Variants in KIF19 observed in about 807,000 individuals in gnomAD.
KIF19 encodes kinesin-like protein KIF19.
A neutral mutation model predicts 106.6 loss-of-function variants in KIF19; 98 were observed. That is an observed-to-expected ratio of 0.92 (90% CI 0.78 to 1.09). The LOEUF (loss-of-function observed/expected upper bound fraction) is 1.09. Ranked by LOEUF, KIF19 falls within the 50% of genes least tolerant of loss-of-function variation. KIF19 has a pLI of 0.00. For synonymous variants in KIF19, 516 were observed against 584.2 expected (o/e 0.88, Z 1.68); for missense variants, 1,373 against 1,414.3 (o/e 0.97, Z 0.47).
intron 10 of KIF19, 90 bp from the exon 11 acceptor site, chr17:74,350,311 A>G: frequency 1.6e-6 from 2 of 1,271,688 alleles, no homozygotes; most frequent in South Asian, 1.5e-5. Flanking sequence ...TGAGTTGGGA[A>G]GAAAAGGAGG....
At position 74,350,585 on chromosome 17, in the gene KIF19, C is replaced by A. The variant is rs750301335; in HGVS notation, c.1388+10C>A. 33 of 1,612,008 alleles carry A rather than the reference C, an allele frequency of 2.0e-5. No individual in the cohort carries two copies. Among genetic ancestry groups the A allele is most frequent in the Middle Eastern group, 1.7e-4 (1 of 6,058 alleles). ...TGCTCACCATCGCCGGGTAAGCCCC[C>A]CTCCCAGGACCCTCCAGGCCCCACC... is the stretch of plus-strand genomic sequence containing the variant. On this transcript the variant is annotated intron_variant, in intron 11 of 19. Transcript: ENST00000389916.
chr17:74,329,650 T>A (rs8066892), intron 2 of KIF19, among the ~76,000 whole-genome samples: 64,427 of 150,048 alleles, frequency 0.43, 14,023 homozygotes, highest in Non-Finnish European at 0.48. Context: ...AGCAGGAGAG[T>A]AAGGGGCAAG....
rs1277165700 is a variant in KIF19 at position 74,350,455 on chromosome 17, G to T, written c.1268G>T (p.Arg423Leu). 1 of 1,609,902 alleles carries T rather than the reference G, an allele frequency of 6.2e-7. No individual in the cohort carries two copies. The highest frequency in any genetic ancestry group is 2.2e-5 in the East Asian group (1 of 44,748). The part of the protein sequence containing the change: ...QGEKAGMGQL[R>L]EQLASAFQEQ... Reference sequence around the variant, plus strand: ...GAGAAGGCTGGCATGGGACAGCTTCGGGAGCAGCTCGCCAGCGCCTTCCAG... The same window carrying T: ...GAGAAGGCTGGCATGGGACAGCTTCTGGAGCAGCTCGCCAGCGCCTTCCAG... Residue 423 changes from arginine to leucine, a missense_variant, in exon 11 of 20, where the codon CGG becomes CTG. Arg to Leu is a moderately radical substitution (Grantham distance 102, BLOSUM62 -2). Coordinates refer to ENST00000389916, the MANE Select transcript of KIF19 (RefSeq NM_153209.4).
At chr17:74,351,062 A>G in intron 12 of KIF19, 157 bp downstream of exon 12, 1 of 696,102 alleles carries the variant, frequency 1.4e-6, no homozygotes, top group Non-Finnish European at 2.5e-6. Context: ...TAACTTCTCT[A>G]TGCGTCACAT....
At chr17:74,332,482 G>C (rs1343551978) in intron 2 of KIF19, among the ~76,000 whole-genome samples, 1 of 152,084 alleles carries the variant, frequency 6.6e-6, no homozygotes, top group Non-Finnish European at 1.5e-5. Flanking sequence ...CCCAAAGCCT[G>C]CAGCCCACAG....
intron 2 of KIF19, among the ~76,000 whole-genome samples, chr17:74,336,077 A>G (rs1211892808): frequency 6.6e-6 from 1 of 152,054 alleles, no homozygotes; most frequent in Non-Finnish European, 1.5e-5. Flanking sequence ...ATGCTTATTT[A>G]TTTATTTATG....
At chr17:74,347,512 G>A (rs940408581) in intron 8 of KIF19, among the ~76,000 whole-genome samples, 6 of 150,898 alleles carry the variant, frequency 4.0e-5, no homozygotes, top group South Asian at 2.1e-4. Flanking sequence ...ACTCCAGCCT[G>A]GATGACAGAT....
chr17:74,347,604 G>A (rs1316823348), intron 8 of KIF19, among the ~76,000 whole-genome samples, 173 bp from the exon 9 acceptor site: 1 of 151,840 alleles, frequency 6.6e-6, no homozygotes, highest in Non-Finnish European at 1.5e-5. Context: ...GGTAATTGCT[G>A]GAGCAGGGCT....
intron 19 of KIF19, 94 bp from the exon 20 acceptor site, chr17:74,355,088 T>G: frequency 6.5e-7 from 1 of 1,541,464 alleles, no homozygotes; most frequent in Non-Finnish European, 8.8e-7. Flanking sequence ...CATCCTGGGG[T>G]GGTGCCCCTA....
chr17:74,349,313 G>A lies in KIF19; in HGVS notation c.1177G>A (p.Gly393Ser), dbSNP rs750922384. ...GCAGACTGGGCGGGGCCAGGCCCGG[G>A]GCCGGCAGGATCGGGGTGACATCCG... ...DEQTGRGQAR[G>S]RQDRGDIRHI... Residue 393 changes from glycine to serine, a missense_variant, in exon 10 of 20, where the codon GGC (glycine) becomes AGC (serine). Physicochemically the swap from Gly to Ser is moderately conservative, Grantham distance 56. Coordinates refer to ENST00000389916, the MANE Select transcript of KIF19 (RefSeq NM_153209.4). The A allele has an allele frequency of 3.1e-6, 5 of 1,609,606 alleles. No individual in the cohort carries two copies. The highest frequency in any genetic ancestry group is 3.4e-5 in the Admixed American group (2 of 59,580).
chr17:74,349,439 T>G, intron 10 of KIF19, 90 bp downstream of exon 10: 1 of 1,342,818 alleles, frequency 7.4e-7, no homozygotes, highest in East Asian at 2.6e-5. Flanking sequence ...AAATCCAGAA[T>G]CGGGCTCTTT....
At position 74,354,190 on chromosome 17, in the gene KIF19, G is replaced by A. The variant is rs1433694598; in HGVS notation, c.2337G>A (p.Lys779=). Residue 779 remains lysine, a synonymous_variant, in exon 18 of 20, where the codon AAG becomes AAA. Coordinates refer to ENST00000389916, the MANE Select transcript of KIF19 (RefSeq NM_153209.4). ...GGAAGGAGATCCTGACTGGCACCAA[G>A]TGCATCTGGGTGAAGGCCGCCCGGC... The part of the protein sequence containing the change: ...KERKEILTGT[K]CIWVKAARRR... The A allele has an allele frequency of 1.9e-6, 3 of 1,609,324 alleles. No individual in the cohort carries two copies. The highest frequency in any genetic ancestry group is 2.5e-6 in the Non-Finnish European group (3 of 1,179,344).
Position 74,355,197 on chromosome 17 carries a change from C to T in KIF19, c.2882C>T (p.Ser961Leu). 1.2e-6 allele frequency: 2 copies of T among 1,604,788 alleles called. No individual in the cohort carries two copies. Among genetic ancestry groups the T allele is most frequent in the Admixed American group, 1.7e-5 (1 of 59,100 alleles). ...CCTGTTGCAGGCCCGGGGGACTCCT[C>T]ACCCCTGGCTGTTCCCCCCAACCCA... is the stretch of plus-strand genomic sequence containing the variant. ...PSQNTGPGDS[S>L]PLAVPPNPGG... The change falls in exon 20 of 20, where the codon TCA becomes TTA. Residue 961 changes from serine to leucine, a missense_variant. Ser to Leu is a moderately radical substitution (Grantham distance 145). Transcript: ENST00000389916.
At position 74,353,544 on chromosome 17, in the gene KIF19, C is replaced by T. The variant is rs1277555330; in HGVS notation, c.2271C>T (p.Ser757=). 1 of 1,613,858 alleles carries T rather than the reference C, an allele frequency of 6.2e-7. No individual in the cohort carries two copies. The stretch of plus-strand genomic sequence containing the variant: ...GCTGGATCAACTCTTCCCCTGACAG[C>T]AGTGAGAACCTGTCGGAGATCCCCT... The part of the protein sequence containing the change: ...LGSWINSSPD[S]SENLSEIPLS... Residue 757 remains serine, a synonymous_variant, in exon 17 of 20, where the codon AGC becomes AGT. Coordinates refer to ENST00000389916, the MANE Select transcript of KIF19 (RefSeq NM_153209.4).
rs1434310699 is a variant in KIF19 at position 74,344,743 on chromosome 17, C to A, written c.583-18C>A. ...CTACGGCAGTCGCTAAGAGCTGCCTCTCCTCCCTCCCACCCAGATCATGCA... is the reference window on the plus strand; with the variant it reads ...CTACGGCAGTCGCTAAGAGCTGCCTATCCTCCCTCCCACCCAGATCATGCA... On this transcript the variant is annotated intron_variant, in intron 6 of 19. Transcript: ENST00000389916. 3.1e-6 allele frequency: 5 copies of A among 1,594,058 alleles called. No homozygotes were observed. In the East Asian group the frequency reaches 1.1e-4, roughly 36 times the overall value.
chr17:74,335,627 G>T (rs186864836), intron 2 of KIF19, among the ~76,000 whole-genome samples: 2 of 152,396 alleles, frequency 1.3e-5, no homozygotes, highest in African/African-American at 4.8e-5. Flanking sequence ...TGGAGGTGGG[G>T]TCTCAAGCCA....
chr17:74,350,804 G>A lies in KIF19; in HGVS notation c.1486G>A (p.Gly496Ser), dbSNP rs780265415. 5 of 1,614,056 alleles carry A rather than the reference G, an allele frequency of 3.1e-6. No individual in the cohort carries two copies. The highest frequency in any genetic ancestry group is 4.2e-6 in the Non-Finnish European group (5 of 1,179,904). ...KDDSEKDSDT[G>S]DDQPDILEPP... ...CGACAGCGAGAAGGACTCAGACACA[G>A]GTGATGACCAACCAGACATCCTGGA... The change falls in exon 12 of 20, where the codon GGT becomes AGT. Residue 496 changes from glycine to serine, a missense_variant. Around this residue, in one of 3 missense-constraint regions of KIF19, gnomAD observed 1,020 missense variants for 1,008.2 expected, o/e 1.01. Coordinates refer to ENST00000389916, the MANE Select transcript of KIF19 (RefSeq NM_153209.4).
At chr17:74,343,403 C>T (rs72852209) in intron 5 of KIF19, among the ~76,000 whole-genome samples, 36,458 of 152,124 alleles carry the variant, frequency 0.24, 4,879 homozygotes, top group Middle Eastern at 0.38. Flanking sequence ...CCCTGTGCCA[C>T]GCTCACCACC....
At chr17:74,344,128 C>T (rs2054460401) in intron 5 of KIF19, 95 bp from the exon 6 acceptor site, 1 of 1,223,146 alleles carries the variant, frequency 8.2e-7, no homozygotes, top group African/African-American at 1.5e-5. Flanking sequence ...AACTCTTGTC[C>T]CTTTCCTGCA....
Sources: allele counts gnomAD v4.1 joint callset (sites outside exome capture counted in the v4.1 genomes callset), GRCh38; gene constraint gnomAD v4.1.1; regional missense constraint gnomAD v4.1.1; transcripts MANE v1.5; gene names NCBI Gene and HGNC (gene_info 2026-07-23, HGNC 2026-07-21).